STRN4: variants seen among roughly 807,000 people sequenced by gnomAD.
STRN4 encodes striatin 4.
A neutral mutation model predicts 77.9 loss-of-function variants in STRN4; 27 were observed. The observed-to-expected ratio is 0.35, with a 90% CI of 0.26 to 0.48. The LOEUF (loss-of-function observed/expected upper bound fraction) is 0.48. Ranked by LOEUF, STRN4 falls within the 20% of genes least tolerant of loss-of-function variation. The pLI is 0.99. For missense variants in STRN4, 798 were observed against 1,049.7 expected (o/e 0.76, Z 3.31); for synonymous variants, 466 against 443.1 (o/e 1.05, Z -0.65).
chr19:46,736,721 A>C, intron 4 of STRN4, 102 bp downstream of exon 4: 1 of 1,190,382 alleles, frequency 8.4e-7, no homozygotes, highest in Non-Finnish European at 1.2e-6. Context: ...CTGATAGTTC[A>C]GCATCCCCAG....
rs146309364 is a variant in STRN4, at chr19:46,725,373, C to T, written c.1431G>A (p.Ala477=). 3.5e-5 allele frequency: 56 copies of T among 1,614,164 alleles called. No individual in the cohort carries two copies. The African/African-American group carries it at 4.9e-4, about 14-fold the overall frequency. Residue 477 remains alanine, a synonymous_variant, in exon 11 of 18, where the codon GCG becomes GCA. Coordinates refer to ENST00000263280, the MANE Select transcript of STRN4 (RefSeq NM_013403.3). ...LQKAVTAKKN[A]ALDVEPIHAF... ...CATGTATAGGTTCCACATCTAGCGC[C>T]GCATTCCTGTGGGATGACAGAGGAG...
intron 4 of STRN4, among the ~76,000 whole-genome samples, chr19:46,734,573 G>A (rs2054319990): frequency 6.6e-6 from 1 of 152,148 alleles, no homozygotes; most frequent in South Asian, 2.1e-4. Context: ...ATTATATGTT[G>A]GGTTTTTTTC....
In STRN4 at chr19:46,741,830, C is replaced by T. The variant is rs1419158257; in HGVS notation, c.283-2942G>A. On this transcript the variant is annotated intron_variant, in intron 1 of 17. Transcript: ENST00000263280. The surrounding 1 kb of genome is among the most constrained non-coding windows in gnomAD (Gnocchi z 4.9). ...GTCCCAGCTAGCTGGGAAGAGTCCC[C>T]GTTTCGTGCCATCTAGCCCTGCATC... Among the ~76,000 whole-genome samples, 1 of 152,236 alleles carries T rather than the reference C, an allele frequency of 6.6e-6. No homozygotes were observed. Among genetic ancestry groups the T allele is most frequent in the Non-Finnish European group, 1.5e-5 (1 of 68,048 alleles).
rs577761962 is a variant in STRN4, at chr19:46,725,265, G to T, written c.1472+67C>A. 6 of 1,608,846 alleles carry T rather than the reference G, an allele frequency of 3.7e-6. No individual in the cohort carries two copies. The East Asian group carries it at 8.9e-5, about 24-fold the overall frequency. On this transcript the variant is annotated intron_variant, in intron 11 of 17. Transcript: ENST00000263280. ...CTGCCGTGGGCCTCCCGCGATGGCA[G>T]TGAGCAGGTCAGGAGTCAGGCTGCA...
chr19:46,739,396 T>C (rs994443119), intron 1 of STRN4: 5 of 163,642 alleles, frequency 3.1e-5, no homozygotes, highest in South Asian at 3.2e-4. Flanking sequence ...CCTGCTCCAA[T>C]AGAAAAGCTT....
chr19:46,727,606 G>A lies in STRN4; in HGVS notation c.1154-60C>T, dbSNP rs753274788. The A allele has an allele frequency of 1.6e-5, 23 of 1,398,710 alleles. No homozygotes were observed. In the East Asian group the frequency reaches 5.1e-4, roughly 31 times the overall value. 86.6% of individuals were successfully genotyped at this position (1,398,710 alleles called of 1,614,324 possible). ...GGGAGGGAGGGGCAGAGAGGGCCAG[G>A]GAGAGAGAGAATGACAGAGAGAGGC... is the stretch of plus-strand genomic sequence containing the variant. On this transcript the variant is annotated intron_variant, in intron 8 of 17. Transcript: ENST00000263280.
At position 46,727,880 on chromosome 19, in the gene STRN4, G is replaced by A. The variant is rs745872995; in HGVS notation, c.1153+14C>T. On this transcript the variant is annotated intron_variant, in intron 8 of 17. Transcript: ENST00000263280. ...GGCCCGCAGGACTGGGACCAGGTGGGGGGTGCCTCTTACCTTCATGTGGCC... is the reference window on the plus strand; with the variant it reads ...GGCCCGCAGGACTGGGACCAGGTGGAGGGTGCCTCTTACCTTCATGTGGCC... The A allele has an allele frequency of 7.6e-5, 121 of 1,583,828 alleles. No homozygotes were observed. The highest frequency in any genetic ancestry group is 3.7e-5 in the Non-Finnish European group (43 of 1,161,546).
intron 1 of STRN4, among the ~76,000 whole-genome samples, chr19:46,743,084 T>C (rs1431330869): frequency 1.3e-5 from 2 of 152,188 alleles, no homozygotes; most frequent in African/African-American, 2.4e-5. Context: ...TGTGCTGATA[T>C]GAAAGGAAAA....
At chr19:46,731,293 G>A (rs910346159) in intron 5 of STRN4, among the ~76,000 whole-genome samples, 2 of 152,176 alleles carry the variant, frequency 1.3e-5, no homozygotes, top group African/African-American at 4.8e-5. Context: ...AAGAGGAACC[G>A]GCCATTCTAC....
intron 1 of STRN4, among the ~76,000 whole-genome samples, chr19:46,745,138 T>C (rs777811757): frequency 2.0e-5 from 3 of 148,894 alleles, no homozygotes; most frequent in Non-Finnish European, 4.4e-5. Flanking sequence ...TAACTCGTCC[T>C]CATTGGCACC....
rs375547393 is a variant in STRN4 at position 46,736,790 on chromosome 19, G to A, written c.539+33C>T. 5.7e-5 allele frequency: 91 copies of A among 1,606,122 alleles called. No individual in the cohort carries two copies. The South Asian group carries it at 6.5e-4, about 11-fold the overall frequency. On this transcript the variant is annotated intron_variant, in intron 4 of 17. Coordinates refer to ENST00000263280, the MANE Select transcript of STRN4 (RefSeq NM_013403.3). ...TTATCTCTCAAGCCAAACGTGTCAC[G>A]TGTCCCCAGCCCCCCTCCCCGAGCA...
At position 46,725,384 on chromosome 19, in the gene STRN4, G is replaced by A. The variant is rs368105139; in HGVS notation, c.1425-5C>T. 1.1e-5 allele frequency: 18 copies of A among 1,614,106 alleles called. No homozygotes were observed. In the African/African-American group the frequency reaches 2.4e-4, roughly 22 times the overall value. ...TCCACATCTAGCGCCGCATTCCTGT[G>A]GGATGACAGAGGAGCCTGATGTCAC... is the stretch of plus-strand genomic sequence containing the variant. On this transcript the variant is annotated splice_polypyrimidine_tract_variant and splice_region_variant and intron_variant, in intron 10 of 17. Coordinates refer to ENST00000263280, the MANE Select transcript of STRN4 (RefSeq NM_013403.3).
rs746806868 is a variant in STRN4, at chr19:46,728,569, C to A, written c.1039+49G>T. 4.4e-6 allele frequency: 7 copies of A among 1,588,100 alleles called. No individual in the cohort carries two copies. The African/African-American group carries it at 9.4e-5, about 21-fold the overall frequency. ...GCGGGCAGCTGAGCCTGCTCCCACC[C>A]CCTCGGTGGGGAAGGCAAGCGGGGG... On this transcript the variant is annotated intron_variant, in intron 7 of 17. Coordinates refer to ENST00000263280, the MANE Select transcript of STRN4 (RefSeq NM_013403.3).
chr19:46,746,118 TG>T, intron 1 of STRN4, 30 bp downstream of exon 1: 4 of 1,373,064 alleles, frequency 2.9e-6, no homozygotes, highest in Non-Finnish European at 1.9e-6. Context: ...CGGGCCGGGT[TG>T]GGGGTCGGGG....
chr19:46,736,711 C>G, intron 4 of STRN4, 112 bp downstream of exon 4: 1 of 1,153,416 alleles, frequency 8.7e-7, no homozygotes, highest in Non-Finnish European at 1.2e-6. Flanking sequence ...GGCTAAGATC[C>G]TGATAGTTCA....
At position 46,725,563 on chromosome 19, in the gene STRN4, G is replaced by A. The variant is rs765268846; in HGVS notation, c.1334C>T (p.Ala445Val). ...CAGAGCCGACTGGCTGTGGTGGAAG[G>A]CCAGGGAACGAATGCCGTCGTAGTG... ...RSHYDGIRSL[A>V]FHHSQSALLT... is the part of the protein sequence containing the mutation. Residue 445 changes from alanine (A) to valine (V), a missense_variant, in exon 10 of 18, where the codon GCC becomes GTC. Around this residue, in one of 2 missense-constraint regions of STRN4, gnomAD observed 287 missense variants for 473.8 expected, o/e 0.61. Coordinates refer to ENST00000263280, the MANE Select transcript of STRN4 (RefSeq NM_013403.3). 14 of 1,614,102 alleles carry A rather than the reference G, an allele frequency of 8.7e-6. No individual in the cohort carries two copies. The highest frequency in any genetic ancestry group is 1.2e-5 in the Non-Finnish European group (14 of 1,180,046).
At position 46,738,845 on chromosome 19, in the gene STRN4, T is replaced by G; in HGVS notation, c.326A>C (p.Asn109Thr). The change falls in exon 2 of 18, where the codon AAT (asparagine) becomes ACT (threonine). Residue 109 changes from asparagine (N) to threonine (T), a missense_variant. This residue lies in a region of STRN4 where 511 missense variants were observed against 575.9 expected (regional missense o/e 0.89). Transcript: ENST00000263280. The surrounding 1 kb of genome is among the most constrained non-coding windows in gnomAD (Gnocchi z 4.5). ...CCGCCGCACCAGGTCCGTCTTTAGA[T>G]TCTCCTGCCCTTTCCTCTCTCCCTG... Reference protein sequence around the residue: ...FLQGERKGQENLKTDLVRRIK... With the variant: ...FLQGERKGQETLKTDLVRRIK... 6.2e-7 allele frequency: 1 copy of G among 1,614,158 alleles called. No individual in the cohort carries two copies. Among genetic ancestry groups the G allele is most frequent in the Non-Finnish European group, 8.5e-7 (1 of 1,180,024 alleles).
rs544651348 is a variant in STRN4, at chr19:46,741,727, G to C, written c.283-2839C>G. 6.6e-6 allele frequency among the ~76,000 whole-genome samples: 1 copy of C among 152,316 alleles called. No homozygotes were observed. The highest frequency in any genetic ancestry group is 1.5e-5 in the Non-Finnish European group (1 of 68,030). Reference sequence around the variant, plus strand: ...CCCCTCCAGCTATTCCCAGCAAGGCGACATCTAAAGGCTTCGGAGGAGTCC... The same window carrying C: ...CCCCTCCAGCTATTCCCAGCAAGGCCACATCTAAAGGCTTCGGAGGAGTCC... On this transcript the variant is annotated intron_variant, in intron 1 of 17. Coordinates refer to ENST00000263280, the MANE Select transcript of STRN4 (RefSeq NM_013403.3). This position sits in a 1 kb window ranked among gnomAD's most constrained non-coding sequence, Gnocchi z 4.9.
intron 3 of STRN4, 25 bp from the exon 4 acceptor site, chr19:46,736,926 G>A (rs1728469447): frequency 5.0e-6 from 8 of 1,607,626 alleles, no homozygotes; most frequent in Non-Finnish European, 5.9e-6. Flanking sequence ...AACGGAGGCT[G>A]TCTTAAGTCA....
Sources: allele counts gnomAD v4.1 joint callset (sites outside exome capture counted in the v4.1 genomes callset), GRCh38; gene constraint gnomAD v4.1.1; regional missense constraint gnomAD v4.1.1; non-coding constraint Gnocchi (gnomAD v3.1); transcripts MANE v1.5; gene names NCBI Gene and HGNC (gene_info 2026-07-23, HGNC 2026-07-21).